Variants in ZFAT observed in about 807,000 individuals in gnomAD.
ZFAT encodes zinc finger and AT-hook domain containing, also known as zinc finger protein ZFAT.
In ZFAT, 64 loss-of-function variants were observed where a neutral mutation model predicts 117.7. The observed-to-expected ratio is 0.54, with a 90% CI of 0.44 to 0.67. ZFAT has a LOEUF of 0.67. Ranked by LOEUF, ZFAT falls within the 30% of genes least tolerant of loss-of-function variation. The probability of loss-of-function intolerance (pLI) is 0.00; values close to 1 mark genes in which losing one functional copy is unlikely to be tolerated. For missense variants in ZFAT, 1,433 were observed against 1,584.5 expected (o/e 0.90, Z 1.62); for synonymous variants, 679 against 615.0 (o/e 1.10, Z -1.54).
At chr8:134,508,805 C>T (rs1819601987) in intron 15 of ZFAT, among the ~76,000 whole-genome samples, 1 of 152,232 alleles carries the variant, frequency 6.6e-6, no homozygotes, top group Admixed American at 6.5e-5. Flanking sequence ...TGAATCAATA[C>T]AGGACTGGCT....
At chr8:134,509,562 A>T in intron 15 of ZFAT, 57 bp downstream of exon 15, 1 of 1,607,514 alleles carries the variant, frequency 6.2e-7, no homozygotes. Flanking sequence ...AGGGAGAAGG[A>T]GAGAACCTGA....
At chr8:134,808,765 T>C in the ZFAT span, among the ~76,000 whole-genome samples, 52 of 152,334 alleles carry the variant, frequency 3.4e-4, no homozygotes, top group African/African-American at 1.0e-3. Flanking sequence ...CAGTGATAAC[T>C]GAGAAGTAGG....
intron 10 of ZFAT, among the ~76,000 whole-genome samples, chr8:134,582,905 T>A (rs189730859): frequency 6.6e-6 from 1 of 152,234 alleles, no homozygotes; most frequent in Non-Finnish European, 1.5e-5. Flanking sequence ...AATTTTTATA[T>A]ATAATTTTGG....
At chr8:134,659,991 G>A (rs1831846676) in intron 1 of ZFAT, among the ~76,000 whole-genome samples, 1 of 152,218 alleles carries the variant, frequency 6.6e-6, no homozygotes, top group South Asian at 2.1e-4. Context: ...ATCTCTCACA[G>A]ATACTGCCAA....
chr8:134,785,451 A>G, the ZFAT span: 1 of 151,710 alleles, frequency 6.6e-6, no homozygotes, highest in South Asian at 2.1e-4. Flanking sequence ...ATTGGTTCAA[A>G]TTTTCCTGTA....
chr8:134,758,962 G>A, the ZFAT span, among the ~76,000 whole-genome samples: 1 of 152,128 alleles, frequency 6.6e-6, no homozygotes, highest in African/African-American at 2.4e-5. Context: ...ATGGATCCAG[G>A]ATCCATGATC....
chr8:134,590,455 CACT>C (rs749405418), intron 7 of ZFAT, 100 bp from the exon 8 acceptor site: 92 of 813,094 alleles, frequency 1.1e-4, no homozygotes, highest in Non-Finnish European at 1.6e-4. Context: ...CCACCACCAC[CACT>C]ACCACTCACG....
chr8:134,484,908 G>A (rs1224235161), intron 15 of ZFAT, among the ~76,000 whole-genome samples: 3 of 152,102 alleles, frequency 2.0e-5, no homozygotes, highest in Non-Finnish European at 2.9e-5. Context: ...AGTTCCTCCC[G>A]CCTCAGCTTC....
At chr8:134,479,868 G>C (rs757065524) in intron 15 of ZFAT, among the ~76,000 whole-genome samples, 2 of 152,098 alleles carry the variant, frequency 1.3e-5, no homozygotes, top group Non-Finnish European at 2.9e-5. Flanking sequence ...CAGAGGATTC[G>C]TGGGAGAATG....
chr8:134,798,023 C>G, the ZFAT span: 1 of 151,060 alleles, frequency 6.6e-6, no homozygotes, highest in African/African-American at 2.4e-5. Flanking sequence ...TGGAAATGAA[C>G]ATAACTAAAA....
the ZFAT span, among the ~76,000 whole-genome samples, chr8:134,758,396 C>T: frequency 1.3e-5 from 2 of 152,246 alleles, no homozygotes; most frequent in African/African-American, 4.8e-5. Flanking sequence ...TTACCTCCTA[C>T]TAGCTGTGTG....
chr8:134,809,834 A>C, the ZFAT span, among the ~76,000 whole-genome samples: 1 of 152,200 alleles, frequency 6.6e-6, no homozygotes, highest in Non-Finnish European at 1.5e-5. Context: ...AAATTCTCTG[A>C]CCATAATTGA....
chr8:134,714,906 C>G (rs1190148858), upstream of ZFAT, among the ~76,000 whole-genome samples: 1 of 152,174 alleles, frequency 6.6e-6, no homozygotes, highest in African/African-American at 2.4e-5. Context: ...AGAGTCGCTT[C>G]ACAGCCACCA....
At chr8:134,495,309 G>A (rs575343719) in intron 15 of ZFAT, among the ~76,000 whole-genome samples, 7 of 152,268 alleles carry the variant, frequency 4.6e-5, no homozygotes, top group African/African-American at 1.4e-4. Context: ...CTGACATGGT[G>A]GAAAGAGAGA....
chr8:134,626,125 A>G (rs1300128747), intron 3 of ZFAT, among the ~76,000 whole-genome samples: 1 of 152,222 alleles, frequency 6.6e-6, no homozygotes, highest in Non-Finnish European at 1.5e-5. Context: ...TTGGTCATTA[A>G]GAGTCACAAT....
chr8:134,524,871 A>G (rs1820915264), intron 12 of ZFAT, among the ~76,000 whole-genome samples: 1 of 152,208 alleles, frequency 6.6e-6, no homozygotes, highest in African/African-American at 2.4e-5. Context: ...AGCAATAACA[A>G]CATATGTCTT....
upstream of ZFAT, among the ~76,000 whole-genome samples, chr8:134,715,136 C>T (rs912112040): frequency 6.6e-6 from 1 of 152,168 alleles, no homozygotes; most frequent in Admixed American, 6.5e-5. Context: ...CTCACAGCAG[C>T]GTTTAAATGT....
the ZFAT span, among the ~76,000 whole-genome samples, chr8:134,819,543 A>G: frequency 8.3e-6 from 1 of 120,570 alleles, no homozygotes; most frequent in Non-Finnish European, 1.6e-5. Context: ...CTGATTAATA[A>G]GGAACTGGTT....
chr8:134,575,149 T>C (rs1023962931), intron 10 of ZFAT, among the ~76,000 whole-genome samples: 2 of 152,274 alleles, frequency 1.3e-5, no homozygotes, highest in South Asian at 4.2e-4. Context: ...TGCAACCCCA[T>C]GCTGTGGGTT....
Sources: allele counts gnomAD v4.1 joint callset (sites outside exome capture counted in the v4.1 genomes callset), GRCh38; gene constraint gnomAD v4.1.1; transcripts MANE v1.5; gene names NCBI Gene and HGNC (gene_info 2026-07-23, HGNC 2026-07-21).